The following XYLT1 variants were observed in gnomAD, a reference collection of about 807,000 sequenced individuals.
XYLT1 encodes the protein xylosyltransferase 1.
A neutral mutation model predicts 91.3 loss-of-function variants in XYLT1; 36 were observed. That is an observed-to-expected ratio of 0.39 (90% confidence interval 0.30 to 0.52). XYLT1 has a LOEUF of 0.52. Among genes scored for constraint, XYLT1 ranks in the 20% least tolerant of loss-of-function variants. The probability of loss-of-function intolerance (pLI) is 0.68; values close to 1 mark genes in which losing one functional copy is unlikely to be tolerated. For synonymous variants in XYLT1, 588 were observed against 532.0 expected (o/e 1.11, Z -1.45); for missense variants, 1,242 against 1,284.5 (o/e 0.97, Z 0.51).
intron 3 of XYLT1, among the ~76,000 whole-genome samples, chr16:17,252,643 C>T (rs967064405): frequency 6.6e-6 from 1 of 152,132 alleles, no homozygotes; most frequent in African/African-American, 2.4e-5. Context: ...AGAAAAGTCC[C>T]GAGAGCAAGG....
intron 1 of XYLT1, among the ~76,000 whole-genome samples, chr16:17,364,959 G>A (rs1165712241): frequency 6.6e-6 from 1 of 152,128 alleles, no homozygotes; most frequent in Non-Finnish European, 1.5e-5. Flanking sequence ...GACTTTACAT[G>A]ATACCTAAAC....
At chr16:17,287,696 A>C (rs1025099862) in intron 2 of XYLT1, among the ~76,000 whole-genome samples, 6 of 152,142 alleles carry the variant, frequency 3.9e-5, no homozygotes, top group Non-Finnish European at 7.4e-5. Context: ...GCTCCTGGAG[A>C]GGAAGAAAGC....
chr16:17,326,508 T>C (rs1485728778), intron 2 of XYLT1, among the ~76,000 whole-genome samples: 1 of 152,226 alleles, frequency 6.6e-6, no homozygotes, highest in Non-Finnish European at 1.5e-5. Context: ...CCCTAAGTCA[T>C]GAGACCCAAG....
At chr16:17,294,375 G>C (rs1481813904) in intron 2 of XYLT1, among the ~76,000 whole-genome samples, 2 of 152,202 alleles carry the variant, frequency 1.3e-5, no homozygotes, top group Non-Finnish European at 2.9e-5. Context: ...AACACCGTCA[G>C]AGGGCATGTT....
intron 2 of XYLT1, among the ~76,000 whole-genome samples, chr16:17,304,157 T>C (rs1317297688): frequency 6.6e-6 from 1 of 152,010 alleles, no homozygotes; most frequent in African/African-American, 2.4e-5. Flanking sequence ...GTAATAACCA[T>C]CGTGGTGAAG....
At chr16:17,124,726 G>A (rs932244479) in intron 10 of XYLT1, among the ~76,000 whole-genome samples, 24 of 152,118 alleles carry the variant, frequency 1.6e-4, no homozygotes, top group South Asian at 2.1e-4. Flanking sequence ...CCTCAGGAAC[G>A]CCAATTATTC....
At chr16:17,117,504 G>T (rs780527384) in intron 11 of XYLT1, 142 bp downstream of exon 11, 108 of 861,118 alleles carry the variant, frequency 1.3e-4, no homozygotes, top group Non-Finnish European at 1.7e-4. Context: ...GAAACACAGA[G>T]AAAAGTATTG....
chr16:17,319,297 A>C (rs1485096550), intron 2 of XYLT1, among the ~76,000 whole-genome samples: 1 of 152,184 alleles, frequency 6.6e-6, no homozygotes, highest in African/African-American at 2.4e-5. Context: ...AATGCCTACC[A>C]TGTTCAAGGT....
intron 1 of XYLT1, among the ~76,000 whole-genome samples, chr16:17,404,467 C>T (rs2036006031): frequency 6.6e-6 from 1 of 152,212 alleles, no homozygotes; most frequent in African/African-American, 2.4e-5. Context: ...ACCTCCAAGA[C>T]TCTCCTGTGA....
At chr16:17,183,849 G>T (rs935368103) in intron 5 of XYLT1, among the ~76,000 whole-genome samples, 4 of 152,090 alleles carry the variant, frequency 2.6e-5, no homozygotes, top group Non-Finnish European at 4.4e-5. Flanking sequence ...CACAGAGTCC[G>T]TCTGTGTGCC....
chr16:17,414,827 C>A (rs960913904), intron 1 of XYLT1, among the ~76,000 whole-genome samples: 1 of 152,064 alleles, frequency 6.6e-6, no homozygotes, highest in Admixed American at 6.6e-5. Flanking sequence ...AGTTATGGAA[C>A]GGGGACCAGG....
At position 17,315,971 on chromosome 16, in the gene XYLT1, G is replaced by A. The variant is rs76923604; in HGVS notation, c.402+42041C>T. The stretch of plus-strand genomic sequence containing the variant: ...ATGATCTGTAAAGTCCCTAGAAGAC[G>A]CCAGGAGAAGCTTAGGAAATTGCAG... On this transcript the variant is annotated intron_variant, in intron 2 of 11. Coordinates refer to ENST00000261381, the MANE Select transcript of XYLT1 (RefSeq NM_022166.4). 6.2e-3 allele frequency among the ~76,000 whole-genome samples: 949 copies of A among 152,234 alleles called. 9 individuals are homozygous for A. Among genetic ancestry groups the A allele is most frequent in the African/African-American group, 0.022 (900 of 41,554 alleles).
At position 17,259,140 on chromosome 16, in the gene XYLT1, G is replaced by T; in HGVS notation, c.761C>A (p.Pro254His). Residue 254 changes from proline to histidine, a missense_variant, in exon 3 of 12, where the codon CCC (proline) becomes CAC (histidine). By Grantham distance (77) the Pro-to-His change is moderately conservative (BLOSUM62 -2). Around this residue, in one of 3 missense-constraint regions of XYLT1, gnomAD observed 437 missense variants for 411.5 expected, o/e 1.06. Transcript: ENST00000261381. The stretch of plus-strand genomic sequence containing the variant: ...CTTGCCTGAGATGTCACACTTAGGG[G>T]GCTGGTCATACTTGGTCTCGGGGGA... The part of the protein sequence containing the change: ...GSSPETKYDQ[P>H]PKCDISGKEA... 5 of 1,592,188 alleles carry T rather than the reference G, an allele frequency of 3.1e-6. No homozygotes were observed. The highest frequency in any genetic ancestry group is 4.3e-6 in the Non-Finnish European group (5 of 1,169,010).
At position 17,312,691 on chromosome 16, in the gene XYLT1, T is replaced by A. The variant is rs2034568865; in HGVS notation, c.402+45321A>T. Among the ~76,000 whole-genome samples the A allele has an allele frequency of 6.6e-6, 1 of 152,218 alleles. No homozygotes were observed. The highest frequency in any genetic ancestry group is 1.5e-5 in the Non-Finnish European group (1 of 68,040). ...TGTGTATCCGTGATTCTATTTACTG[T>A]TTAATCTTCACAGCAATCCTATTAT... On this transcript the variant is annotated intron_variant, in intron 2 of 11. Transcript: ENST00000261381. This position sits in a 1 kb window ranked among gnomAD's most constrained non-coding sequence, Gnocchi z 4.4.
chr16:17,261,583 G>A (rs2033723172), intron 2 of XYLT1, among the ~76,000 whole-genome samples: 1 of 152,170 alleles, frequency 6.6e-6, no homozygotes, highest in Non-Finnish European at 1.5e-5. Flanking sequence ...AGTACTGCAA[G>A]CTGACACTGA....
chr16:17,217,958 A>T (rs557320055), intron 3 of XYLT1, among the ~76,000 whole-genome samples: 41 of 64,908 alleles, frequency 6.3e-4, no homozygotes, highest in Admixed American at 1.8e-3. Context: ...TAATAATAAT[A>T]AAAAAAAAAA....
intron 3 of XYLT1, among the ~76,000 whole-genome samples, chr16:17,212,754 T>G (rs978156701): frequency 1.3e-5 from 2 of 152,184 alleles, no homozygotes; most frequent in Non-Finnish European, 2.9e-5. Context: ...CCCTGGGATA[T>G]TCTAATGATA....
At chr16:17,309,422 G>T (rs887970952) in intron 2 of XYLT1, among the ~76,000 whole-genome samples, 1 of 152,160 alleles carries the variant, frequency 6.6e-6, no homozygotes, top group Non-Finnish European at 1.5e-5. Flanking sequence ...CAGGGATGGA[G>T]GGGAGAGGGA....
chr16:17,255,593 T>C (rs779741484), intron 3 of XYLT1, among the ~76,000 whole-genome samples: 6 of 152,190 alleles, frequency 3.9e-5, no homozygotes, highest in Non-Finnish European at 5.9e-5. Context: ...CACTTAATTA[T>C]TGCTACACTC....
Sources: allele counts gnomAD v4.1 joint callset (sites outside exome capture counted in the v4.1 genomes callset), GRCh38; gene constraint gnomAD v4.1.1; regional missense constraint gnomAD v4.1.1; non-coding constraint Gnocchi (gnomAD v3.1); transcripts MANE v1.5; gene names NCBI Gene and HGNC (gene_info 2026-07-23, HGNC 2026-07-21).